Variants in GAS2L1 observed in about 807,000 individuals in gnomAD.
GAS2L1 encodes the protein growth arrest specific 2 like 1.
Under a neutral mutation model 44.0 loss-of-function variants are expected in GAS2L1, and 26 were observed. The observed-to-expected ratio is 0.59, with a 90% confidence interval of 0.43 to 0.82. The LOEUF (loss-of-function observed/expected upper bound fraction) is 0.82. GAS2L1 is among the 40% of genes least tolerant of loss of function. GAS2L1 has a pLI of 0.00. For missense variants in GAS2L1, 1,006 were observed against 983.0 expected (o/e 1.02, Z -0.31); for synonymous variants, 426 against 415.9 (o/e 1.02, Z -0.30).
At chr22:29,310,132 C>G (rs1440458596) in intron 1 of GAS2L1, 1 of 169,114 alleles carries the variant, frequency 5.9e-6, no homozygotes, top group Non-Finnish European at 1.3e-5. Flanking sequence ...ATCCCAGCCA[C>G]TCAGGAGGCT....
chr22:29,308,101 C>G (rs372224648), exon 1 of GAS2L1: 519 of 1,541,408 alleles, frequency 3.4e-4, no homozygotes, highest in Non-Finnish European at 4.3e-4. Context: ...TCGGCCGGTC[C>G]GGGCATGGCA....
chr22:29,308,378 T>TGTA (rs770072133), exon 1 of GAS2L1: 1 of 1,609,330 alleles, frequency 6.2e-7, no homozygotes, highest in South Asian at 1.1e-5. Flanking sequence ...AGGCGCACAG[T>TGTA]GTAGTGCCTG....
chr22:29,309,732 G>A (rs1691714222), intron 1 of GAS2L1, among the ~76,000 whole-genome samples: 1 of 152,210 alleles, frequency 6.6e-6, no homozygotes, highest in South Asian at 2.1e-4. Context: ...GCCCACCCAG[G>A]GGCATGGGGC....
exon 2 of GAS2L1, chr22:29,310,487 A>G: frequency 6.2e-7 from 1 of 1,612,774 alleles, no homozygotes; most frequent in Non-Finnish European, 8.5e-7. Context: ...GTTTCCCATG[A>G]TCAAGGTCTC....
At chr22:29,308,530 A>T (rs2061372379) in exon 1 of GAS2L1, 6 of 1,605,256 alleles carry the variant, frequency 3.7e-6, no homozygotes, top group Non-Finnish European at 4.2e-6. Flanking sequence ...TGCCTGCTGG[A>T]GGTGGCGCGG....
intron 1 of GAS2L1, among the ~76,000 whole-genome samples, chr22:29,309,689 T>C (rs532127051): frequency 2.0e-5 from 3 of 152,192 alleles, no homozygotes; most frequent in Non-Finnish European, 2.9e-5. Flanking sequence ...TGTGCATGTG[T>C]CCGATGTGTC....
At chr22:29,310,866 C>T in exon 4 of GAS2L1, 1 of 1,612,964 alleles carries the variant, frequency 6.2e-7, no homozygotes, top group African/African-American at 1.3e-5. Context: ...ACCTTTTCTC[C>T]ACAGAGGGTG....
exon 4 of GAS2L1, chr22:29,310,879 G>C: frequency 6.2e-7 from 1 of 1,613,082 alleles, no homozygotes; most frequent in Non-Finnish European, 8.5e-7. Flanking sequence ...AGAGGGTGTC[G>C]CCCACCACCA....
upstream of GAS2L1, chr22:29,307,024 A>ACGG (rs1355563758): frequency 1.3e-5 from 2 of 151,548 alleles, no homozygotes; most frequent in Non-Finnish European, 2.9e-5. Context: ...CGGGGCGGAG[A>ACGG]CGGCGGCGAG....
chr22:29,308,058 G>A (rs1311038341), exon 1 of GAS2L1: 3 of 1,479,314 alleles, frequency 2.0e-6, no homozygotes, highest in Admixed American at 2.3e-5. Context: ...GGTCCCCACA[G>A]CGATCCTGAA....
chr22:29,310,344 G>T, intron 1 of GAS2L1, 95 bp from the exon 3 acceptor site: 1 of 716,830 alleles, frequency 1.4e-6, no homozygotes, highest in South Asian at 1.7e-5. Flanking sequence ...CACTTACCCG[G>T]AAAGCCTGAC....
chr22:29,312,332 C>G, exon 5 of GAS2L1: 1 of 1,605,464 alleles, frequency 6.2e-7, no homozygotes, highest in African/African-American at 1.3e-5. Flanking sequence ...GCACTGAACC[C>G]TCGAGGACCT....
exon 1 of GAS2L1, chr22:29,308,526 C>T (rs1156279048): frequency 2.1e-5 from 34 of 1,606,764 alleles, no homozygotes; most frequent in Non-Finnish European, 2.9e-5. Context: ...GCTGTGCCTG[C>T]TGGAGGTGGC....
chr22:29,310,190 C>T lies in GAS2L1; in HGVS notation c.634-249C>T, dbSNP rs1006109606. 52 of 213,954 alleles carry T rather than the reference C, an allele frequency of 2.4e-4. No individual in the cohort carries two copies. The South Asian group carries it at 2.5e-3, about 10-fold the overall frequency. The allele number at this position is 213,954 out of a possible 1,614,324, so 13.3% of individuals were successfully genotyped here. A position where few individuals can be genotyped will look rare whatever the true frequency, so the allele number is the denominator to read the frequency against. On this transcript the variant is annotated intron_variant, in intron 1 of 4. Coordinates refer to ENST00000618518, the Ensembl canonical transcript of GAS2L1. ...CTGGAAGGCGGAGGTTGCGGTGAGA[C>T]GAGATCGTGCTATTGCACTCCAGCC...
exon 1 of GAS2L1, chr22:29,307,263 T>A (rs2061359180): frequency 6.6e-6 from 1 of 152,102 alleles, no homozygotes; most frequent in Non-Finnish European, 1.5e-5. Flanking sequence ...TGTGTGACCT[T>A]GGGCGGCCCC....
rs370281351 is a variant in GAS2L1, at chr22:29,310,964, C to T, written c.976C>T (p.Arg326Ter). 1 of 1,613,532 alleles carries T rather than the reference C, an allele frequency of 6.2e-7. No individual in the cohort carries two copies. The highest frequency in any genetic ancestry group is 8.5e-7 in the Non-Finnish European group (1 of 1,179,992). Residue 326 changes from arginine to a stop codon, truncating the protein, a stop_gained, in exon 4 of 5, where the codon CGA becomes TGA. Coordinates refer to ENST00000618518, the Ensembl canonical transcript of GAS2L1. LOFTEE classifies it high-confidence loss of function. ...GCCTGAGATGACTCCCGTTAGCTTA[C>T]GAAGCACAAAGGAGGGGCCCGAGAC...
In GAS2L1 at chr22:29,312,146, C is replaced by T. The variant is rs567057752; in HGVS notation, c.1695C>T (p.Ser565=). ...ACTCTGCCTATTGTTCCTCCAGTTC[C>T]TCCTCTTCGTCCCTCAGCGTCCTGG... The change falls in exon 5 of 5, where the codon TCC becomes TCT. Residue 565 remains serine, a synonymous_variant. Transcript: ENST00000618518. 5 of 1,613,016 alleles carry T rather than the reference C, an allele frequency of 3.1e-6. No individual in the cohort carries two copies. The South Asian group carries it at 3.3e-5, about 11-fold the overall frequency.
chr22:29,308,682 A>C lies in GAS2L1; in HGVS notation c.577A>C (p.Thr193Pro), dbSNP rs1270726397. The C allele has an allele frequency of 9.3e-6, 14 of 1,509,726 alleles. No homozygotes were observed. In the South Asian group the frequency reaches 1.8e-4, roughly 20 times the overall value. The allele number at this position is 1,509,726 out of a possible 1,614,324, so 93.5% of individuals were successfully genotyped here. A position where few individuals can be genotyped will look rare whatever the true frequency, so the allele number is the denominator to read the frequency against. The change falls in exon 1 of 5, where the codon ACT becomes CCT. Residue 193 changes from threonine (T) to proline (P), a missense_variant. Physicochemically the swap from Thr to Pro is conservative, Grantham distance 38 (BLOSUM62 -1). Transcript: ENST00000618518. ...CACTGAAACCGCCCCCGCACCAGGGACTCCTGCCCGCGGCCCCCGCATGAC... is the reference window on the plus strand; with the variant it reads ...CACTGAAACCGCCCCCGCACCAGGGCCTCCTGCCCGCGGCCCCCGCATGAC...
At chr22:29,311,493 T>A in exon 5 of GAS2L1, 3 of 1,495,640 alleles carry the variant, frequency 2.0e-6, no homozygotes, top group Non-Finnish European at 2.7e-6. Flanking sequence ...CCATCCCCGC[T>A]CCCGCCGCTA....
Sources: allele counts gnomAD v4.1 joint callset (sites outside exome capture counted in the v4.1 genomes callset), GRCh38; gene constraint gnomAD v4.1.1; transcripts MANE v1.5; gene names NCBI Gene and HGNC (gene_info 2026-07-23, HGNC 2026-07-21).